MACROD2: variants seen among roughly 807,000 people sequenced by gnomAD.
MACROD2 encodes mono-ADP ribosylhydrolase 2.
MACROD2 carries 36 observed loss-of-function variants against 70.4 expected under a neutral mutation model. That is an observed-to-expected ratio of 0.51 (90% confidence interval 0.39 to 0.68). MACROD2 has a LOEUF of 0.68. Ranked by LOEUF, MACROD2 falls within the 30% of genes least tolerant of loss-of-function variation. The pLI is 0.00. For synonymous variants in MACROD2, 172 were observed against 178.8 expected (o/e 0.96, Z 0.30); for missense variants, 496 against 538.4 (o/e 0.92, Z 0.78).
intron 3 of MACROD2, among the ~76,000 whole-genome samples, chr20:14,474,010 TA>T (rs1457081569): frequency 1.3e-5 from 2 of 152,154 alleles, no homozygotes; most frequent in African/African-American, 4.8e-5. Flanking sequence ...TTATTATTAT[TA>T]TTTTTTACTT....
intron 5 of MACROD2, among the ~76,000 whole-genome samples, chr20:14,738,798 A>ACAT (rs989910019): frequency 2.4e-4 from 36 of 151,998 alleles, no homozygotes; most frequent in African/African-American, 8.7e-4. Context: ...AGAAATAATG[A>ACAT]CATAAAAAAA....
chr20:14,069,449 G>A (rs1340964335), intron 2 of MACROD2, among the ~76,000 whole-genome samples: 2 of 151,386 alleles, frequency 1.3e-5, no homozygotes, highest in East Asian at 1.9e-4. Flanking sequence ...CAGTATATTT[G>A]TATATATTTA....
chr20:15,221,242 T>C (rs2076858720), intron 5 of MACROD2, among the ~76,000 whole-genome samples: 1 of 152,204 alleles, frequency 6.6e-6, no homozygotes, highest in Non-Finnish European at 1.5e-5. Context: ...AAAGATCTTA[T>C]TATCATCTTC....
chr20:15,888,588 C>G (rs2064850397), intron 10 of MACROD2, among the ~76,000 whole-genome samples: 1 of 152,120 alleles, frequency 6.6e-6, no homozygotes, highest in Admixed American at 6.6e-5. Flanking sequence ...TGCAGAGTCC[C>G]CAAGTTTGGA....
intron 8 of MACROD2, among the ~76,000 whole-genome samples, chr20:15,775,990 T>C (rs932452687): frequency 6.6e-6 from 1 of 152,202 alleles, no homozygotes; most frequent in African/African-American, 2.4e-5. Context: ...AGGCCTGATA[T>C]GTGAAACGTA....
rs1466123799 is a variant in MACROD2 at position 14,233,712 on chromosome 20, AAG to A, written c.271+147986_271+147987del. ...ACTCCGTCTCACAAAAAAAAAAAAAAAGAAAAGAAAAGAAAAGAAATGAACTA... is the reference window on the plus strand; with the variant it reads ...ACTCCGTCTCACAAAAAAAAAAAAAAAAAAGAAAAGAAAAGAAATGAACTA... On this transcript the variant is annotated intron_variant, in intron 3 of 17. Transcript: ENST00000684519. Among the ~76,000 whole-genome samples, 5 of 35,454 alleles carry A rather than the reference AAG, an allele frequency of 1.4e-4. 1 individual carries two copies. Among genetic ancestry groups the A allele is most frequent in the Admixed American group, 5.9e-4 (2 of 3,408 alleles). 23.3% of individuals were successfully genotyped at this position (35,454 alleles called of 152,430 possible).
chr20:15,103,624 A>T (rs2075889633), intron 5 of MACROD2, among the ~76,000 whole-genome samples: 1 of 152,124 alleles, frequency 6.6e-6, no homozygotes, highest in Admixed American at 6.6e-5. Context: ...CAAGCTCCTG[A>T]GTGAGTTCTA....
At chr20:15,770,084 ATTTTCTTTTTTTTTTTT>A (rs149927759) in intron 8 of MACROD2, among the ~76,000 whole-genome samples, 26,420 of 125,740 alleles carry the variant, frequency 0.21, 2,639 homozygotes, top group Admixed American at 0.22. Context: ...ATTTATTTTA[ATTTTCTTTTTTTTTTTT>A]TTTTTTTTTT....
intron 3 of MACROD2, among the ~76,000 whole-genome samples, chr20:14,491,952 A>G (rs964597380): frequency 6.6e-6 from 1 of 152,176 alleles, no homozygotes; most frequent in Non-Finnish European, 1.5e-5. Context: ...TTATAAATGC[A>G]TGTAGCTAAG....
At chr20:15,163,703 A>T (rs1185358800) in intron 5 of MACROD2, among the ~76,000 whole-genome samples, 1 of 151,204 alleles carries the variant, frequency 6.6e-6, no homozygotes, top group African/African-American at 2.4e-5. Flanking sequence ...TTTTTTTTTT[A>T]ACATTTTTAA....
chr20:15,246,036 C>T (rs1016289233), intron 6 of MACROD2, among the ~76,000 whole-genome samples: 1 of 152,130 alleles, frequency 6.6e-6, no homozygotes, highest in East Asian at 1.9e-4. Flanking sequence ...TAGACATGTC[C>T]AGATGTAACG....
At position 15,560,138 on chromosome 20, in the gene MACROD2, T is replaced by A. The variant is rs376411354; in HGVS notation, c.645+60291T>A. On this transcript the variant is annotated intron_variant, in intron 8 of 17. Transcript: ENST00000684519. ...CTAGTTTAAAAGGGCAACCATGTTTTCCTATCATTTTATGCCTGTTCGCCT... is the reference window on the plus strand; with the variant it reads ...CTAGTTTAAAAGGGCAACCATGTTTACCTATCATTTTATGCCTGTTCGCCT... Among the ~76,000 whole-genome samples the A allele has an allele frequency of 4.6e-4, 70 of 152,320 alleles. No individual in the cohort carries two copies. The Middle Eastern group carries it at 0.01, about 22-fold the overall frequency.
intron 2 of MACROD2, among the ~76,000 whole-genome samples, chr20:14,079,707 C>T (rs769618720): frequency 6.6e-6 from 1 of 152,212 alleles, no homozygotes; most frequent in Non-Finnish European, 1.5e-5. Flanking sequence ...AAGGCTTTGA[C>T]TGGAATGTCA....
intron 8 of MACROD2, among the ~76,000 whole-genome samples, chr20:15,537,476 T>C (rs1023980189): frequency 2.5e-4 from 37 of 145,224 alleles, no homozygotes; most frequent in Non-Finnish European, 4.5e-4. Context: ...TCTTTTTTTT[T>C]TTTTTTTTTT....
intron 3 of MACROD2, among the ~76,000 whole-genome samples, chr20:14,342,618 AAG>A (rs1309211429): frequency 1.3e-5 from 2 of 152,178 alleles, no homozygotes; most frequent in Admixed American, 6.6e-5. Flanking sequence ...AACAATTCCA[AAG>A]GGTATTGGAG....
At chr20:15,144,284 G>A (rs1269656179) in intron 5 of MACROD2, among the ~76,000 whole-genome samples, 1 of 152,106 alleles carries the variant, frequency 6.6e-6, no homozygotes, top group African/African-American at 2.4e-5. Flanking sequence ...ACTGCAAGTG[G>A]TTGGTGATCA....
intron 5 of MACROD2, among the ~76,000 whole-genome samples, chr20:15,085,460 C>G (rs1452385255): frequency 6.6e-6 from 1 of 151,946 alleles, no homozygotes; most frequent in African/African-American, 2.4e-5. Context: ...AGCTGGCCCA[C>G]AGAAGGAGAG....
intron 6 of MACROD2, among the ~76,000 whole-genome samples, chr20:15,341,958 G>A (rs1220838797): frequency 1.3e-5 from 2 of 152,040 alleles, no homozygotes; most frequent in African/African-American, 4.8e-5. Flanking sequence ...GGAAGCTGAG[G>A]CAGGAGAATA....
At chr20:15,890,291 A>G (rs556001482) in intron 10 of MACROD2, among the ~76,000 whole-genome samples, 1 of 152,352 alleles carries the variant, frequency 6.6e-6, no homozygotes, top group South Asian at 2.1e-4. Context: ...AGACCTAGAA[A>G]TGTAACTCAC....
Sources: allele counts gnomAD v4.1 joint callset (sites outside exome capture counted in the v4.1 genomes callset), GRCh38; gene constraint gnomAD v4.1.1; transcripts MANE v1.5; gene names NCBI Gene and HGNC (gene_info 2026-07-23, HGNC 2026-07-21).